Variants in HMGCLL1 observed in about 807,000 individuals in gnomAD.
HMGCLL1 encodes 3-hydroxymethyl-3-methylglutaryl-CoA lyase, cytoplasmic.
In HMGCLL1, 36 loss-of-function variants were observed where a neutral mutation model predicts 39.1. The ratio of observed to expected loss-of-function variants is 0.92; its 90% confidence interval spans 0.71 to 1.22. HMGCLL1 has a LOEUF of 1.22. Among genes scored for constraint, HMGCLL1 ranks in the 50% most tolerant of loss-of-function variants. The probability of loss-of-function intolerance (pLI) is 0.00; values close to 1 mark genes in which losing one functional copy is unlikely to be tolerated. For synonymous variants in HMGCLL1, 149 were observed against 144.0 expected (o/e 1.03, Z -0.25); for missense variants, 451 against 416.5 (o/e 1.08, Z -0.72).
At chr6:55,649,089 C>A in the HMGCLL1 span, among the ~76,000 whole-genome samples, 1 of 152,002 alleles carries the variant, frequency 6.6e-6, no homozygotes, top group African/African-American at 2.4e-5. Flanking sequence ...TCATTTAGTC[C>A]TTCTACTTAA....
the HMGCLL1 span, among the ~76,000 whole-genome samples, chr6:55,677,314 A>C: frequency 9.9e-5 from 15 of 152,270 alleles, no homozygotes; most frequent in East Asian, 2.9e-3. Flanking sequence ...GCTTGAGCCC[A>C]GGAGTTCGAG....
the HMGCLL1 span, among the ~76,000 whole-genome samples, chr6:55,631,460 C>T: frequency 6.6e-6 from 1 of 152,008 alleles, no homozygotes; most frequent in African/African-American, 2.4e-5. Flanking sequence ...GCCAAAAAGA[C>T]ACCAAGACCA....
At chr6:55,592,173 T>C in the HMGCLL1 span, among the ~76,000 whole-genome samples, 10 of 152,124 alleles carry the variant, frequency 6.6e-5, no homozygotes, top group Admixed American at 6.6e-5. Flanking sequence ...CAGATTCTCC[T>C]CTTCCCACTT....
intron 7 of HMGCLL1, among the ~76,000 whole-genome samples, chr6:55,490,754 T>C (rs1051440105): frequency 2.6e-5 from 4 of 152,192 alleles, no homozygotes; most frequent in Non-Finnish European, 5.9e-5. Context: ...TGTGGATATC[T>C]AGAAATAGAT....
At chr6:55,477,437 AT>A (rs1765501414) in intron 7 of HMGCLL1, among the ~76,000 whole-genome samples, 1 of 61,608 alleles carries the variant, frequency 1.6e-5, no homozygotes, top group African/African-American at 7.0e-5. Context: ...TATATTATAT[AT>A]TATATATATA....
the HMGCLL1 span, among the ~76,000 whole-genome samples, chr6:55,628,186 A>T: frequency 0.061 from 4,039 of 65,884 alleles, 330 homozygotes; most frequent in East Asian, 0.23. Flanking sequence ...TATATATATA[A>T]TATATATATA....
the HMGCLL1 span, among the ~76,000 whole-genome samples, chr6:55,668,678 G>A: frequency 4.6e-5 from 7 of 151,934 alleles, no homozygotes; most frequent in South Asian, 2.1e-4. Context: ...CCAAAAACCC[G>A]GAAGTGAACA....
intron 7 of HMGCLL1, among the ~76,000 whole-genome samples, chr6:55,484,198 G>A (rs555909722): frequency 6.6e-6 from 1 of 152,114 alleles, no homozygotes; most frequent in African/African-American, 2.4e-5. Flanking sequence ...GACAATCCTT[G>A]GTCCTCATCA....
chr6:55,591,414 G>A, the HMGCLL1 span, among the ~76,000 whole-genome samples: 1,927 of 151,954 alleles, frequency 0.013, 17 homozygotes, highest in Non-Finnish European at 0.019. Context: ...TTGCAGAGGG[G>A]CACTTCATCT....
chr6:55,529,414 A>T (rs1768509363), intron 3 of HMGCLL1, among the ~76,000 whole-genome samples: 1 of 152,076 alleles, frequency 6.6e-6, no homozygotes, highest in Non-Finnish European at 1.5e-5. Flanking sequence ...ACTTGCACAG[A>T]GTGGAGGGTA....
At chr6:55,659,910 T>G in the HMGCLL1 span, among the ~76,000 whole-genome samples, 6 of 151,988 alleles carry the variant, frequency 3.9e-5, 1 homozygote, top group South Asian at 1.2e-3. Flanking sequence ...GGACATATCA[T>G]GCTCTGAATA....
intron 3 of HMGCLL1, among the ~76,000 whole-genome samples, chr6:55,526,402 T>C (rs528320942): frequency 2.6e-5 from 4 of 152,158 alleles, no homozygotes; most frequent in African/African-American, 9.6e-5. Flanking sequence ...CTTCCTAACT[T>C]GCTTTGTATT....
At position 55,524,470 on chromosome 6, in the gene HMGCLL1, A is replaced by AAAAAC. The variant is rs1275674115; in HGVS notation, c.298-7868_298-7867insGTTTT. On this transcript the variant is annotated intron_variant, in intron 3 of 8. Transcript: ENST00000274901. ...TTTGGCATTTATAGTCTTTAAAAAA[A>AAAAAC]AAAAAAAAACGGGATCCTCCAAATT... 7.7e-4 allele frequency among the ~76,000 whole-genome samples: 116 copies of AAAAAC among 150,734 alleles called. 2 individuals are homozygous for AAAAAC. Among genetic ancestry groups the AAAAAC allele is most frequent in the Admixed American group, 7.6e-3 (115 of 15,048 alleles).
intron 3 of HMGCLL1, among the ~76,000 whole-genome samples, chr6:55,518,021 C>T (rs192255166): frequency 2.6e-4 from 40 of 152,244 alleles, no homozygotes; most frequent in African/African-American, 9.6e-4. Context: ...ACAGTATCTA[C>T]CACATTCATT....
At chr6:55,538,575 T>C (rs561692437) in intron 3 of HMGCLL1, among the ~76,000 whole-genome samples, 1 of 152,152 alleles carries the variant, frequency 6.6e-6, no homozygotes, top group Non-Finnish European at 1.5e-5. Flanking sequence ...TCCTAAAAAA[T>C]AGTTTTGTGA....
intron 3 of HMGCLL1, among the ~76,000 whole-genome samples, chr6:55,517,388 C>T (rs1581887412): frequency 6.6e-6 from 1 of 151,870 alleles, no homozygotes; most frequent in African/African-American, 2.4e-5. Context: ...AACCATGAGC[C>T]TTACATATTT....
chr6:55,602,471 T>C, the HMGCLL1 span, among the ~76,000 whole-genome samples: 1 of 152,034 alleles, frequency 6.6e-6, no homozygotes, highest in Non-Finnish European at 1.5e-5. Flanking sequence ...ACAAAATCAA[T>C]AGGACTAAGT....
At chr6:55,501,481 A>G (rs1174421581) in intron 5 of HMGCLL1, among the ~76,000 whole-genome samples, 1 of 151,878 alleles carries the variant, frequency 6.6e-6, no homozygotes, top group Non-Finnish European at 1.5e-5. Flanking sequence ...CTCTTTCTAA[A>G]GAAGTCAAGC....
At chr6:55,654,019 T>C in the HMGCLL1 span, among the ~76,000 whole-genome samples, 8 of 152,136 alleles carry the variant, frequency 5.3e-5, no homozygotes, top group East Asian at 9.7e-4. Context: ...CAGTATTTAA[T>C]GGTGAGCATG....
Sources: allele counts gnomAD v4.1 joint callset (sites outside exome capture counted in the v4.1 genomes callset), GRCh38; gene constraint gnomAD v4.1.1; transcripts MANE v1.5; gene names NCBI Gene and HGNC (gene_info 2026-07-23, HGNC 2026-07-21).